The following FAF1 variants were observed in gnomAD, a reference collection of about 807,000 sequenced individuals.
FAF1 encodes the protein FAS-associated factor 1.
FAF1 carries 25 observed loss-of-function variants against 92.5 expected under a neutral mutation model. The ratio of observed to expected loss-of-function variants is 0.27; its 90% CI spans 0.20 to 0.38. FAF1 has a LOEUF of 0.38. Among genes scored for constraint, FAF1 ranks in the 10% least tolerant of loss-of-function variants. The probability of loss-of-function intolerance (pLI) is 1.00; values close to 1 mark genes in which losing one functional copy is unlikely to be tolerated. For synonymous variants in FAF1, 234 were observed against 273.2 expected (o/e 0.86, Z 1.42); for missense variants, 636 against 793.3 (o/e 0.80, Z 2.38).
chr1:50,490,451 GGA>G (rs1646821632), intron 17 of FAF1, 135 bp downstream of exon 17: 1 of 295,554 alleles, frequency 3.4e-6, no homozygotes, highest in Non-Finnish European at 7.0e-6. Flanking sequence ...AAGGAAGGAA[GGA>G]AGGAAGGAAA....
chr1:50,758,306 G>T (rs560926295), intron 4 of FAF1, among the ~76,000 whole-genome samples: 1 of 151,988 alleles, frequency 6.6e-6, no homozygotes, highest in Non-Finnish European at 1.5e-5. Context: ...CACCTGCCTC[G>T]GCCTCCCAAA....
chr1:50,846,650 G>A (rs1233016849), intron 2 of FAF1: 13 of 537,852 alleles, frequency 2.4e-5, no homozygotes, highest in Middle Eastern at 3.9e-4. Flanking sequence ...CAACAGAGGC[G>A]GGTATTTCCT....
chr1:50,481,217 G>C (rs1646700431), intron 17 of FAF1, among the ~76,000 whole-genome samples: 1 of 152,140 alleles, frequency 6.6e-6, no homozygotes, highest in African/African-American at 2.4e-5. Flanking sequence ...AGTAAACCTA[G>C]TGTGGCCTAA....
At chr1:50,732,947 T>C (rs888266879) in intron 6 of FAF1, among the ~76,000 whole-genome samples, 2 of 152,190 alleles carry the variant, frequency 1.3e-5, no homozygotes, top group Non-Finnish European at 2.9e-5. Context: ...TTTAGATTTA[T>C]GTTTTTAAAA....
intron 6 of FAF1, among the ~76,000 whole-genome samples, chr1:50,728,413 G>C (rs1472866186): frequency 3.9e-5 from 6 of 152,196 alleles, no homozygotes; most frequent in Non-Finnish European, 5.9e-5. Context: ...GACGAAGTTA[G>C]AGAGAAAGAC....
intron 2 of FAF1, among the ~76,000 whole-genome samples, chr1:50,857,180 C>T (rs1644396602): frequency 6.6e-6 from 1 of 151,740 alleles, no homozygotes; most frequent in African/African-American, 2.4e-5. Flanking sequence ...CACACAGACA[C>T]CAAGAGTTAA....
chr1:50,804,720 G>C (rs1418572813), intron 2 of FAF1, among the ~76,000 whole-genome samples: 1 of 152,080 alleles, frequency 6.6e-6, no homozygotes, highest in Non-Finnish European at 1.5e-5. Flanking sequence ...GTTTTTGTTT[G>C]CTTTTTTTCC....
chr1:50,653,511 C>T (rs755527448), intron 8 of FAF1, among the ~76,000 whole-genome samples: 6 of 152,154 alleles, frequency 3.9e-5, no homozygotes, highest in African/African-American at 7.2e-5. Flanking sequence ...CCACCACGCC[C>T]GGCTAATTTT....
intron 4 of FAF1, among the ~76,000 whole-genome samples, chr1:50,751,865 C>G (rs778694386): frequency 6.6e-6 from 1 of 152,224 alleles, no homozygotes; most frequent in Non-Finnish European, 1.5e-5. Context: ...TGTTTCATCT[C>G]TCTCTTTTTT....
At chr1:50,751,723 T>A (rs1279631973) in intron 4 of FAF1, among the ~76,000 whole-genome samples, 1 of 152,232 alleles carries the variant, frequency 6.6e-6, no homozygotes, top group East Asian at 1.9e-4. Flanking sequence ...TTATTATATT[T>A]TACTGAATTC....
At position 50,557,192 on chromosome 1, in the gene FAF1, T is replaced by A. The variant is rs901169096; in HGVS notation, c.1268+9885A>T. ...AGAAAACTATTTGCTGAAAAGGACT[T>A]TCTTGGTGCTGATCATGTATTGAGG... is the stretch of plus-strand genomic sequence containing the variant. On this transcript the variant is annotated intron_variant, in intron 13 of 18. Coordinates refer to ENST00000396153, the MANE Select transcript of FAF1 (RefSeq NM_007051.3). Among the ~76,000 whole-genome samples the A allele has an allele frequency of 5.3e-5, 8 of 152,186 alleles. No homozygotes were observed. In the East Asian group the frequency reaches 1.5e-3, roughly 29 times the overall value.
chr1:50,553,201 G>C (rs75653435), intron 13 of FAF1, among the ~76,000 whole-genome samples: 2,043 of 152,224 alleles, frequency 0.013, 45 homozygotes, highest in African/African-American at 0.045. Context: ...AGTGATACTT[G>C]AACAAATAAA....
In FAF1 at chr1:50,893,360, G is replaced by A. The variant is rs571846890; in HGVS notation, c.46-35363C>T. On this transcript the variant is annotated intron_variant, in intron 1 of 18. Transcript: ENST00000396153. ...CTTTCCAGGTATTGGAAAGAACTTC[G>A]GTGTTGTGATCTAAGTCATACCTGC... 5.9e-5 allele frequency among the ~76,000 whole-genome samples: 9 copies of A among 152,264 alleles called. No individual in the cohort carries two copies. The South Asian group carries it at 6.2e-4, about 11-fold the overall frequency.
At chr1:50,889,194 T>C (rs1053311081) in intron 1 of FAF1, among the ~76,000 whole-genome samples, 5 of 152,258 alleles carry the variant, frequency 3.3e-5, no homozygotes, top group African/African-American at 1.2e-4. Context: ...TGTATTTCTG[T>C]GGGATCGGTG....
intron 4 of FAF1, among the ~76,000 whole-genome samples, chr1:50,782,492 A>G (rs1309745610): frequency 1.3e-5 from 2 of 152,114 alleles, no homozygotes; most frequent in Non-Finnish European, 2.9e-5. Flanking sequence ...CATTTGTACA[A>G]CTGTACAATG....
At chr1:50,952,242 G>A (rs10158602) in intron 1 of FAF1, among the ~76,000 whole-genome samples, 4,712 of 152,254 alleles carry the variant, frequency 0.031, 253 homozygotes, top group African/African-American at 0.11. Flanking sequence ...CGAGTGCCTG[G>A]GATTGCAGGC....
At chr1:50,614,428 T>C (rs1465035808) in intron 8 of FAF1, among the ~76,000 whole-genome samples, 1 of 152,194 alleles carries the variant, frequency 6.6e-6, no homozygotes, top group East Asian at 1.9e-4. Context: ...AAAAAAAGAA[T>C]GTTTATGTGA....
intron 15 of FAF1, among the ~76,000 whole-genome samples, chr1:50,497,926 T>C (rs1646921080): frequency 6.6e-6 from 1 of 152,102 alleles, no homozygotes; most frequent in Non-Finnish European, 1.5e-5. Flanking sequence ...ATAAAATGCA[T>C]ACAGAATCTC....
intron 1 of FAF1, among the ~76,000 whole-genome samples, chr1:50,873,018 C>A (rs1336763724): frequency 1.3e-5 from 2 of 152,196 alleles, no homozygotes; most frequent in Non-Finnish European, 2.9e-5. Flanking sequence ...ATTGCTAGAG[C>A]CACCCCAACT....
Sources: allele counts gnomAD v4.1 joint callset (sites outside exome capture counted in the v4.1 genomes callset), GRCh38; gene constraint gnomAD v4.1.1; transcripts MANE v1.5; gene names NCBI Gene and HGNC (gene_info 2026-07-23, HGNC 2026-07-21).